ST18: variants seen among roughly 807,000 people sequenced by gnomAD.
ST18 encodes the protein suppression of tumorigenicity 18 protein.
In ST18, 50 loss-of-function variants were observed where a neutral mutation model predicts 110.0. That is an observed-to-expected ratio of 0.45 (90% CI 0.36 to 0.58). ST18 has a LOEUF of 0.58. ST18 is among the 20% of genes least tolerant of loss of function. ST18 has a pLI of 0.00. For synonymous variants in ST18, 461 were observed against 452.4 expected, an observed-to-expected ratio of 1.02 and a Z score of -0.24; for missense variants, 1,306 against 1,280.1, an observed-to-expected ratio of 1.02 and a Z score of -0.31.
At chr8:52,288,492 G>T (rs1396595160) in intron 2 of ST18, among the ~76,000 whole-genome samples, 1 of 152,108 alleles carries the variant, frequency 6.6e-6, no homozygotes, top group East Asian at 1.9e-4. Flanking sequence ...CTGAGGTCAG[G>T]AGTTCAAGAC....
At chr8:52,321,457 C>T (rs1803867945) in intron 2 of ST18, among the ~76,000 whole-genome samples, 1 of 152,194 alleles carries the variant, frequency 6.6e-6, no homozygotes, top group African/African-American at 2.4e-5. Context: ...CAATTTTAAT[C>T]AATCACTATT....
At chr8:52,181,382 G>A (rs1304018843) in intron 8 of ST18, among the ~76,000 whole-genome samples, 1 of 152,166 alleles carries the variant, frequency 6.6e-6, no homozygotes, top group African/African-American at 2.4e-5. Flanking sequence ...TCGTGAAAAT[G>A]ATTCGGTTAT....
intron 2 of ST18, among the ~76,000 whole-genome samples, chr8:52,236,574 G>T (rs553607716): frequency 1.2e-4 from 17 of 145,442 alleles, no homozygotes; most frequent in Non-Finnish European, 2.4e-4. Context: ...TGGTGCCACT[G>T]CACTCCAGCC....
intron 19 of ST18, 72 bp from the exon 20 acceptor site, chr8:52,133,373 T>G: frequency 6.4e-7 from 1 of 1,560,536 alleles, no homozygotes; most frequent in Non-Finnish European, 8.8e-7. Context: ...CTCAAGTTAT[T>G]TAGGTTCTTC....
In ST18 at chr8:52,259,777, C is replaced by T. The variant is rs544613366; in HGVS notation, c.-464-29700G>A. ...GAATTCAGACTCAGATGGTTTGTCA[C>T]AGACTCCATGCTCTTAACCACAAGG... On this transcript the variant is annotated intron_variant, in intron 2 of 25. Coordinates refer to ENST00000689386, the MANE Select transcript of ST18 (RefSeq NM_001352837.2). Among the ~76,000 whole-genome samples, 32 of 152,318 alleles carry T rather than the reference C, an allele frequency of 2.1e-4. No individual in the cohort carries two copies. In the South Asian group the frequency reaches 2.9e-3, roughly 14 times the overall value.
chr8:52,278,649 C>T (rs1035267288), intron 2 of ST18, among the ~76,000 whole-genome samples: 1 of 152,164 alleles, frequency 6.6e-6, no homozygotes, highest in Non-Finnish European at 1.5e-5. Flanking sequence ...CACAAGCACA[C>T]ACACAAACAA....
intron 2 of ST18, chr8:52,408,036 GT>G (rs1048315929): frequency 1.3e-5 from 2 of 152,080 alleles, no homozygotes; most frequent in African/African-American, 4.8e-5. Flanking sequence ...GGAAATACAG[GT>G]TTTCCCAGAT....
At chr8:52,176,299 G>A (rs1042592032) in intron 9 of ST18, among the ~76,000 whole-genome samples, 3 of 152,158 alleles carry the variant, frequency 2.0e-5, no homozygotes, top group Non-Finnish European at 4.4e-5. Flanking sequence ...CTGGGTTACA[G>A]GCGTGAGCCA....
intron 2 of ST18, among the ~76,000 whole-genome samples, chr8:52,271,039 C>A (rs550654587): frequency 1.5e-3 from 229 of 151,960 alleles, no homozygotes; most frequent in African/African-American, 5.3e-3. Context: ...GCTGGGACTA[C>A]GGGCGCCCGC....
intron 8 of ST18, chr8:52,194,532 C>T (rs910977597): frequency 1.3e-5 from 2 of 152,150 alleles, no homozygotes; most frequent in Admixed American, 6.5e-5. Context: ...TGAGCCCCAC[C>T]CAGATGTGAG....
intron 18 of ST18, among the ~76,000 whole-genome samples, chr8:52,137,092 G>A (rs1280208253): frequency 6.6e-6 from 1 of 152,166 alleles, no homozygotes; most frequent in Non-Finnish European, 1.5e-5. Flanking sequence ...CCAGGATTGA[G>A]GGTATTACTT....
chr8:52,302,115 G>A (rs1242317236), intron 2 of ST18, among the ~76,000 whole-genome samples: 33 of 152,254 alleles, frequency 2.2e-4, no homozygotes, highest in Admixed American at 2.1e-3. Flanking sequence ...GCATCCACAT[G>A]GGTGCAGGAG....
rs1845722615 is a variant in ST18 at position 52,409,595 on chromosome 8, C to G, written c.-637G>C. 1 of 152,216 alleles carries G rather than the reference C, an allele frequency of 6.6e-6. No individual in the cohort carries two copies. Among genetic ancestry groups the G allele is most frequent in the African/African-American group, 2.4e-5 (1 of 41,454 alleles). 9.4% of individuals were successfully genotyped at this position (152,216 alleles called of 1,614,324 possible). ...TGGTTTTTGCGTGGGATGATGCCAGCTTCTCTCTTCATGTGGCCTTATTAA... is the reference window on the plus strand; with the variant it reads ...TGGTTTTTGCGTGGGATGATGCCAGGTTCTCTCTTCATGTGGCCTTATTAA... On this transcript the variant is annotated 5_prime_UTR_variant, in exon 1 of 26. Coordinates refer to ENST00000689386, the MANE Select transcript of ST18 (RefSeq NM_001352837.2).
intron 2 of ST18, among the ~76,000 whole-genome samples, chr8:52,338,289 C>G (rs1231171066): frequency 6.6e-6 from 1 of 151,998 alleles, no homozygotes; most frequent in Non-Finnish European, 1.5e-5. Flanking sequence ...AACTCCTGAC[C>G]TCAGATGATC....
rs933316125 is a variant in ST18, at chr8:52,123,562, C to T, written c.2755+2490G>A. Among the ~76,000 whole-genome samples the T allele has an allele frequency of 4.7e-4, 71 of 152,310 alleles. 1 individual carries two copies. Among genetic ancestry groups the T allele is most frequent in the African/African-American group, 1.7e-3 (69 of 41,566 alleles). ...GTTCTTAAGCTTTACACAGCATCAG[C>T]CTCTACTTTCTTGGATTGTAAAACG... On this transcript the variant is annotated intron_variant, in intron 23 of 25. Transcript: ENST00000689386.
At chr8:52,294,193 G>A (rs906478358) in intron 2 of ST18, among the ~76,000 whole-genome samples, 1 of 152,210 alleles carries the variant, frequency 6.6e-6, no homozygotes, top group Non-Finnish European at 1.5e-5. Context: ...CATATCATAA[G>A]TGGAAGAGTC....
chr8:52,200,111 C>T (rs2077460457), intron 8 of ST18, among the ~76,000 whole-genome samples: 1 of 151,866 alleles, frequency 6.6e-6, no homozygotes, highest in African/African-American at 2.4e-5. Context: ...TATAATGTGG[C>T]AGGCACTATT....
At position 52,117,175 on chromosome 8, in the gene ST18, C is replaced by T. The variant is rs555853582; in HGVS notation, c.2860-757G>A. 5.3e-5 allele frequency among the ~76,000 whole-genome samples: 8 copies of T among 152,302 alleles called. No homozygotes were observed. In the East Asian group the frequency reaches 9.7e-4, roughly 18 times the overall value. On this transcript the variant is annotated intron_variant, in intron 24 of 25. Coordinates refer to ENST00000689386, the MANE Select transcript of ST18 (RefSeq NM_001352837.2). ...CTGCCCCACCCAGCTCACTCACCTG[C>T]GGCCACACTTCCCTTTGCTATTTCT...
At chr8:52,176,226 T>C (rs912248576) in intron 9 of ST18, among the ~76,000 whole-genome samples, 3 of 152,152 alleles carry the variant, frequency 2.0e-5, no homozygotes. Flanking sequence ...GGTTTCAGCA[T>C]GTAGGTCAGG....
Sources: gnomAD v4.1 joint callset for allele counts (sites outside exome capture counted in the v4.1 genomes callset) on GRCh38, gnomAD v4.1.1 for gene constraint, MANE v1.5 for transcripts, NCBI Gene and HGNC (gene_info 2026-07-23, HGNC 2026-07-21) for gene names.